Variants in ANK3 observed in about 807,000 individuals in gnomAD.
ANK3 encodes ankyrin 3.
Under a neutral mutation model 370.9 loss-of-function variants are expected in ANK3, and 57 were observed. The observed-to-expected ratio is 0.15, with a 90% CI of 0.12 to 0.19. ANK3 has a LOEUF of 0.19. ANK3 is among the 10% of genes least tolerant of loss of function. ANK3 has a pLI of 1.00. For synonymous variants in ANK3, 1,929 were observed against 1,946.3 expected (o/e 0.99, Z 0.23); for missense variants, 4,439 against 5,302.1 (o/e 0.84, Z 5.06).
chr10:60,719,088 T>G (rs2079828224), intron 1 of ANK3, among the ~76,000 whole-genome samples: 1 of 152,170 alleles, frequency 6.6e-6, no homozygotes, highest in African/African-American at 2.4e-5. Context: ...GACTTCTTTC[T>G]TTTGCTTTTT....
At chr10:60,141,503 A>G (rs775924163) in intron 23 of ANK3, among the ~76,000 whole-genome samples, 33 of 149,274 alleles carry the variant, frequency 2.2e-4, no homozygotes, top group Non-Finnish European at 3.1e-4. Context: ...GAAGGAAAAA[A>G]CTAGCAGGAC....
chr10:60,065,847 C>T (rs2081534620), intron 38 of ANK3, among the ~76,000 whole-genome samples: 1 of 151,986 alleles, frequency 6.6e-6, no homozygotes, highest in Non-Finnish European at 1.5e-5. Context: ...CATTGTGAAC[C>T]ACAGTTAGAA....
At chr10:60,223,600 T>A (rs1038622687) in intron 8 of ANK3, among the ~76,000 whole-genome samples, 1 of 152,186 alleles carries the variant, frequency 6.6e-6, no homozygotes, top group Admixed American at 6.5e-5. Context: ...TGAATGTGTT[T>A]TCAGGCTAGT....
intron 1 of ANK3, among the ~76,000 whole-genome samples, chr10:60,330,340 C>T (rs545238996): frequency 6.6e-6 from 1 of 152,282 alleles, no homozygotes; most frequent in South Asian, 2.1e-4. Context: ...ACAGACTGAA[C>T]AGGCAGCTTA....
rs144998854 is a variant in ANK3 at position 60,221,745 on chromosome 10, G to A, written c.898-8235C>T. On this transcript the variant is annotated intron_variant, in intron 8 of 43. Transcript: ENST00000280772. ...AGTGCTGGCTCTACAAGACAATCAA[G>A]GCATGTCTTCAGAGGGGTTACTAAG... is the stretch of plus-strand genomic sequence containing the variant. 8.1e-4 allele frequency among the ~76,000 whole-genome samples: 123 copies of A among 152,286 alleles called. 1 individual carries two copies. The highest frequency in any genetic ancestry group is 2.9e-3 in the African/African-American group (121 of 41,564).
At chr10:60,458,097 G>A (rs542399926) in intron 2 of ANK3, among the ~76,000 whole-genome samples, 1 of 152,234 alleles carries the variant, frequency 6.6e-6, no homozygotes, top group African/African-American at 2.4e-5. Context: ...AACAAAAAAT[G>A]TTGGCTGTTA....
chr10:60,139,442 T>G (rs1405603929), intron 23 of ANK3: 2 of 204,438 alleles, frequency 9.8e-6, no homozygotes, highest in Non-Finnish European at 1.9e-5. Context: ...GAGGGCAGCT[T>G]GTTTGAATGG....
chr10:60,719,119 T>G (rs749682628), intron 1 of ANK3, among the ~76,000 whole-genome samples: 7 of 152,134 alleles, frequency 4.6e-5, no homozygotes, highest in Non-Finnish European at 8.8e-5. Flanking sequence ...GTTTTTAAAC[T>G]AGTATTATGC....
At chr10:60,533,411 G>C (rs962718379) in intron 2 of ANK3, among the ~76,000 whole-genome samples, 1 of 152,040 alleles carries the variant, frequency 6.6e-6, no homozygotes, top group East Asian at 1.9e-4. Flanking sequence ...AGTGCTCCAG[G>C]CTCTCCAATC....
At chr10:60,525,554 C>T (rs569043625) in intron 2 of ANK3, among the ~76,000 whole-genome samples, 7 of 152,202 alleles carry the variant, frequency 4.6e-5, no homozygotes, top group African/African-American at 1.7e-4. Flanking sequence ...CGCTAAACTG[C>T]AGTGGTTACC....
rs368495307 is a variant in ANK3, at chr10:60,405,024, C to A, written c.97-125385G>T. ...AGGCTAAAATTAAAGACTGACAACACCAAATGTTGGCAAGGATGTAAAACA... is the reference window on the plus strand; with the variant it reads ...AGGCTAAAATTAAAGACTGACAACAACAAATGTTGGCAAGGATGTAAAACA... On this transcript the variant is annotated intron_variant, in intron 2 of 43. Transcript: ENST00000373827. Among the ~76,000 whole-genome samples, 67 of 152,256 alleles carry A rather than the reference C, an allele frequency of 4.4e-4. 1 individual carries two copies. The South Asian group carries it at 0.013, about 31-fold the overall frequency.
intron 1 of ANK3, among the ~76,000 whole-genome samples, chr10:60,355,461 T>C (rs1478467968): frequency 2.0e-5 from 3 of 152,194 alleles, no homozygotes; most frequent in Non-Finnish European, 2.9e-5. Context: ...TGGATTGTCA[T>C]TGCCCATGAC....
chr10:60,106,808 T>G (rs1429137789), intron 27 of ANK3, among the ~76,000 whole-genome samples: 1 of 152,200 alleles, frequency 6.6e-6, no homozygotes, highest in Non-Finnish European at 1.5e-5. Flanking sequence ...GAAATAATTT[T>G]GTTAAATTTT....
intron 2 of ANK3, among the ~76,000 whole-genome samples, chr10:60,482,078 C>T (rs1353908194): frequency 1.3e-5 from 2 of 152,174 alleles, no homozygotes; most frequent in Non-Finnish European, 2.9e-5. Context: ...TTTCCTCCCA[C>T]TCCCCATATT....
chr10:60,090,176 G>C (rs1347030011), intron 28 of ANK3, among the ~76,000 whole-genome samples: 1 of 152,040 alleles, frequency 6.6e-6, no homozygotes, highest in Non-Finnish European at 1.5e-5. Flanking sequence ...AATTTAGCTG[G>C]GTGTGGTGGC....
intron 4 of ANK3, among the ~76,000 whole-genome samples, chr10:60,277,682 AGT>A (rs138870074): frequency 0.048 from 7,321 of 152,236 alleles, 589 homozygotes; most frequent in African/African-American, 0.16. Context: ...ATACTGCCAG[AGT>A]GTGCCATGTA....
chr10:60,093,087 A>G (rs2089067928), intron 28 of ANK3, among the ~76,000 whole-genome samples: 1 of 152,248 alleles, frequency 6.6e-6, no homozygotes, highest in Admixed American at 6.5e-5. Context: ...AGAATCAAAC[A>G]GTTTGCTTAG....
At chr10:60,219,281 T>C (rs1044353352) in intron 8 of ANK3, among the ~76,000 whole-genome samples, 6 of 152,074 alleles carry the variant, frequency 3.9e-5, no homozygotes, top group African/African-American at 1.4e-4. Context: ...CCTACTTCTG[T>C]CAATCTGTCC....
chr10:60,643,467 T>C (rs1178355042), intron 1 of ANK3, among the ~76,000 whole-genome samples: 1 of 152,044 alleles, frequency 6.6e-6, no homozygotes, highest in Admixed American at 6.6e-5. Flanking sequence ...GATCTTGTGA[T>C]TGTATAAGTT....
Sources: allele counts gnomAD v4.1 joint callset (sites outside exome capture counted in the v4.1 genomes callset), GRCh38; gene constraint gnomAD v4.1.1; transcripts MANE v1.5; gene names NCBI Gene and HGNC (gene_info 2026-07-23, HGNC 2026-07-21).